Variants in ADAM12 observed in about 807,000 individuals in gnomAD.
ADAM12 encodes the protein ADAM metallopeptidase domain 12, also known as disintegrin and metalloproteinase domain-containing protein 12.
A neutral mutation model predicts 106.4 loss-of-function variants in ADAM12; 70 were observed. The ratio of observed to expected loss-of-function variants is 0.66; its 90% CI spans 0.54 to 0.80. ADAM12 has a LOEUF of 0.80. Ranked by LOEUF, ADAM12 falls within the 30% of genes least tolerant of loss-of-function variation. ADAM12 has a pLI of 0.00. For synonymous variants in ADAM12, 420 were observed against 433.5 expected, an observed-to-expected ratio of 0.97 and a Z score of 0.39; for missense variants, 1,010 against 1,171.9, an observed-to-expected ratio of 0.86 and a Z score of 2.02.
chr10:126,038,548 T>A (rs1316802963), intron 19 of ADAM12, among the ~76,000 whole-genome samples, 199 bp from the exon 20 acceptor site: 1 of 152,250 alleles, frequency 6.6e-6, no homozygotes, highest in Non-Finnish European at 1.5e-5. Flanking sequence ...ACCTCTATTT[T>A]GTCAAATTAG....
rs1255403276 is a variant in ADAM12, at chr10:126,318,624, G to GT, written c.186+11787dup. On this transcript the variant is annotated intron_variant, in intron 2 of 22. Coordinates refer to ENST00000448723, the MANE Select transcript of ADAM12 (RefSeq NM_001288973.2). ...CACCTTCACACATGCATCCATGGGT[G>GT]TATGTCAAAGAGACACAGGAGCCAG... Among the ~76,000 whole-genome samples, 6 of 152,094 alleles carry GT rather than the reference G, an allele frequency of 3.9e-5. No homozygotes were observed. The South Asian group carries it at 1.2e-3, about 32-fold the overall frequency.
chr10:126,255,727 T>C (rs1470775244), intron 3 of ADAM12, among the ~76,000 whole-genome samples: 1 of 151,608 alleles, frequency 6.6e-6, no homozygotes, highest in Non-Finnish European at 1.5e-5. Flanking sequence ...TCCATGAGGG[T>C]TGTCTCCAGG....
chr10:126,250,716 G>A (rs1958729751), intron 3 of ADAM12, among the ~76,000 whole-genome samples: 1 of 152,144 alleles, frequency 6.6e-6, no homozygotes, highest in Non-Finnish European at 1.5e-5. Flanking sequence ...AAATAATACA[G>A]GGAAAATCTC....
intron 3 of ADAM12, among the ~76,000 whole-genome samples, chr10:126,268,588 C>T (rs914138036): frequency 1.3e-5 from 2 of 152,172 alleles, no homozygotes; most frequent in African/African-American, 4.8e-5. Flanking sequence ...TTTGTCATCA[C>T]TAATGAACTG....
At chr10:126,310,496 C>T in intron 2 of ADAM12, among the ~76,000 whole-genome samples, 1 of 152,080 alleles carries the variant, frequency 6.6e-6, no homozygotes, top group East Asian at 1.9e-4. Flanking sequence ...AAAAGATGTT[C>T]CAAGCAAGTG....
chr10:126,193,624 C>A (rs898893111), intron 3 of ADAM12, among the ~76,000 whole-genome samples: 2 of 152,130 alleles, frequency 1.3e-5, no homozygotes, highest in Non-Finnish European at 1.5e-5. Context: ...GGGCCAGGTG[C>A]GGTGGCTCAC....
chr10:126,309,225 T>C (rs1304543280), intron 2 of ADAM12, among the ~76,000 whole-genome samples: 1 of 152,188 alleles, frequency 6.6e-6, no homozygotes, highest in Admixed American at 6.5e-5. Flanking sequence ...TCTATTTACA[T>C]CGTTGAGGAA....
At chr10:126,109,686 T>C in intron 7 of ADAM12, 89 bp downstream of exon 7, 1 of 1,142,078 alleles carries the variant, frequency 8.8e-7, no homozygotes, top group Non-Finnish European at 1.3e-6. Context: ...GGAAATGAGG[T>C]TCATTAAAGC....
chr10:126,205,905 C>T (rs543018668), intron 3 of ADAM12, among the ~76,000 whole-genome samples: 8 of 152,236 alleles, frequency 5.3e-5, no homozygotes, highest in African/African-American at 1.9e-4. Context: ...ATAGACAAAA[C>T]ATCACTGGTA....
At position 126,351,559 on chromosome 10, in the gene ADAM12, G is replaced by T. The variant is rs557413520; in HGVS notation, c.89-21050C>A. Among the ~76,000 whole-genome samples, 104 of 152,228 alleles carry T rather than the reference G, an allele frequency of 6.8e-4. 1 individual carries two copies. Among genetic ancestry groups the T allele is most frequent in the African/African-American group, 2.4e-3 (99 of 41,546 alleles). On this transcript the variant is annotated intron_variant, in intron 1 of 22. Coordinates refer to ENST00000448723, the MANE Select transcript of ADAM12 (RefSeq NM_001288973.2). ...CTGACTCCTTGCGACAGAGACTGCC[G>T]CTTCCTCTCCTCGGATCCCCCAGCA...
At chr10:126,332,383 C>G (rs912363520) in intron 1 of ADAM12, among the ~76,000 whole-genome samples, 2 of 152,200 alleles carry the variant, frequency 1.3e-5, no homozygotes, top group Non-Finnish European at 2.9e-5. Flanking sequence ...GAAAACTGCC[C>G]TCAGGACTTG....
chr10:126,373,248 C>A (rs895441631), intron 1 of ADAM12, among the ~76,000 whole-genome samples: 9 of 152,218 alleles, frequency 5.9e-5, no homozygotes, highest in African/African-American at 2.2e-4. Context: ...TCTGTTGACA[C>A]CTCTGCTGGC....
rs192934542 is a variant in ADAM12, at chr10:126,384,633, A to G, written c.88+3425T>C. On this transcript the variant is annotated intron_variant, in intron 1 of 22. Transcript: ENST00000448723. ...GCTAGACTACCTGATGTGTTGGATCATATTGAAAGGAGGTTGATAGTTCTT... is the reference window on the plus strand; with the variant it reads ...GCTAGACTACCTGATGTGTTGGATCGTATTGAAAGGAGGTTGATAGTTCTT... Among the ~76,000 whole-genome samples the G allele has an allele frequency of 5.0e-3, 760 of 152,286 alleles. 5 individuals carry two copies. The highest frequency in any genetic ancestry group is 0.017 in the African/African-American group (724 of 41,558).
At chr10:126,232,500 A>G (rs1186529356) in intron 3 of ADAM12, among the ~76,000 whole-genome samples, 29 of 152,284 alleles carry the variant, frequency 1.9e-4, no homozygotes, top group Non-Finnish European at 5.9e-5. Context: ...TGAAGTTTGT[A>G]GTGATTTTTT....
Position 126,042,338 on chromosome 10 carries a change from C to T in ADAM12, c.2104+702G>A, listed in dbSNP as rs889763209. The T allele has an allele frequency of 4.1e-5, 60 of 1,466,314 alleles. 1 individual carries two copies. In the South Asian group the frequency reaches 6.3e-4, roughly 15 times the overall value. 90.8% of individuals were successfully genotyped at this position (1,466,314 alleles called of 1,614,324 possible). ...CAGTAAACCATTTCTAAAGGTCATC[C>T]GAGGAGAAATGGCCACGAGTTCAAG... On this transcript the variant is annotated intron_variant, in intron 18 of 22. Transcript: ENST00000448723.
At position 126,066,285 on chromosome 10, in the gene ADAM12, A is replaced by G. The variant is rs906753278; in HGVS notation, c.1413+432T>C. ...GGAGGACATTAAGATTGAGTTGTTT[A>G]TACAAAACTTCTGGGACAAGCCAGC... is the stretch of plus-strand genomic sequence containing the variant. On this transcript the variant is annotated intron_variant, in intron 13 of 22. Coordinates refer to ENST00000448723, the MANE Select transcript of ADAM12 (RefSeq NM_001288973.2). The surrounding 1 kb of genome is among the most constrained non-coding windows in gnomAD (Gnocchi z 5.1). Among the ~76,000 whole-genome samples the G allele has an allele frequency of 6.6e-6, 1 of 152,210 alleles. No individual in the cohort carries two copies. The highest frequency in any genetic ancestry group is 2.4e-5 in the African/African-American group (1 of 41,456).
intron 1 of ADAM12, 72 bp downstream of exon 1, chr10:126,387,986 C>A: frequency 1.7e-6 from 2 of 1,183,944 alleles, no homozygotes; most frequent in Non-Finnish European, 2.1e-6. Context: ...CCCTGGACCT[C>A]GGCGCGCCCA....
At chr10:126,080,138 A>T (rs2133524242) in intron 11 of ADAM12, among the ~76,000 whole-genome samples, 1 of 152,322 alleles carries the variant, frequency 6.6e-6, no homozygotes, top group East Asian at 1.9e-4. Flanking sequence ...TTCCAAATCC[A>T]AAGTATGGTA....
rs201656766 is a variant in ADAM12 at position 126,071,691 on chromosome 10, C to T, written c.1146-37G>A. On this transcript the variant is annotated intron_variant, in intron 11 of 22. Transcript: ENST00000448723. ...GAGCCCAGAACAGTAAGTCACAGGG[C>T]ATGGAATGGCTTTGTCTGCCCTTCT... 9 of 1,605,946 alleles carry T rather than the reference C, an allele frequency of 5.6e-6. No homozygotes were observed. The East Asian group carries it at 2.0e-4, about 36-fold the overall frequency.
Sources: allele counts gnomAD v4.1 joint callset (sites outside exome capture counted in the v4.1 genomes callset), GRCh38; gene constraint gnomAD v4.1.1; non-coding constraint Gnocchi (gnomAD v3.1); transcripts MANE v1.5; gene names NCBI Gene and HGNC (gene_info 2026-07-23, HGNC 2026-07-21).